The following NUP98 variants were observed in gnomAD, a reference collection of about 807,000 sequenced individuals.
NUP98 encodes the protein nuclear pore complex protein Nup98-Nup96.
Under a neutral mutation model 191.9 loss-of-function variants are expected in NUP98, and 26 were observed. The observed-to-expected ratio is 0.14, with a 90% CI of 0.10 to 0.19. The LOEUF (loss-of-function observed/expected upper bound fraction) is 0.19, where lower values mean the gene tolerates loss of function less well. NUP98 is among the 10% of genes least tolerant of loss of function. NUP98 has a pLI of 1.00. For missense variants in NUP98, 1,941 were observed against 2,178.8 expected (o/e 0.89, Z 2.17); for synonymous variants, 808 against 778.4 (o/e 1.04, Z -0.63).
intron 25 of NUP98, among the ~76,000 whole-genome samples, chr11:3,696,161 A>G (rs771830297): frequency 3.3e-5 from 5 of 152,202 alleles, no homozygotes; most frequent in Admixed American, 6.5e-5. Flanking sequence ...ATTGCACTCC[A>G]GCCTGGGCAA....
chr11:3,754,165 A>G (rs2080871692), intron 10 of NUP98, among the ~76,000 whole-genome samples: 1 of 152,202 alleles, frequency 6.6e-6, no homozygotes, highest in African/African-American at 2.4e-5. Flanking sequence ...GTGGTGGCTT[A>G]CGCCTGTAAT....
At chr11:3,731,200 G>C (rs1215679166) in intron 14 of NUP98, among the ~76,000 whole-genome samples, 191 bp downstream of exon 14, 1 of 152,098 alleles carries the variant, frequency 6.6e-6, no homozygotes, top group South Asian at 2.1e-4. Flanking sequence ...GGAGGCAAAG[G>C]TTGCAGTGAG....
Position 3,699,164 on chromosome 11 carries a change from T to C in NUP98, c.3927A>G (p.Gln1309=), listed in dbSNP as rs375155860. 1.4e-4 allele frequency: 228 copies of C among 1,613,906 alleles called. No homozygotes were observed. Among genetic ancestry groups the C allele is most frequent in the Non-Finnish European group, 1.8e-4 (212 of 1,180,036 alleles). ...ATACAGCCTCCACAGGGCTGTTTTT[T>C]TGGGTTAAGGAGACTTCCTCTTCAA... ...PQIEEEVSLT[Q]KNSPVEAVFS... The change falls in exon 25 of 33, where the codon CAA becomes CAG. Residue 1309 remains glutamine, a synonymous_variant. Coordinates refer to ENST00000324932, the MANE Select transcript of NUP98 (RefSeq NM_016320.5).
intron 13 of NUP98, 58 bp downstream of exon 13, chr11:3,735,133 G>A: frequency 6.9e-7 from 1 of 1,459,564 alleles, no homozygotes; most frequent in South Asian, 1.4e-5. Flanking sequence ...ATTACATTCT[G>A]CACATTCAGT....
chr11:3,709,170 T>C (rs2078956654), intron 20 of NUP98, among the ~76,000 whole-genome samples: 1 of 152,234 alleles, frequency 6.6e-6, no homozygotes, highest in Non-Finnish European at 1.5e-5. Context: ...TAATTCATAC[T>C]GTCCTCTCAG....
intron 26 of NUP98, among the ~76,000 whole-genome samples, chr11:3,693,729 T>C (rs1483980940): frequency 6.6e-6 from 1 of 152,144 alleles, no homozygotes; most frequent in Non-Finnish European, 1.5e-5. Context: ...TCAAATGAGA[T>C]GAGAGCCATT....
chr11:3,793,997 G>C (rs1378364378), intron 1 of NUP98, among the ~76,000 whole-genome samples: 1 of 150,530 alleles, frequency 6.6e-6, no homozygotes, highest in South Asian at 2.1e-4. Context: ...ATAAATACAT[G>C]TGAAATATTT....
rs2077809279 is a variant in NUP98 at position 3,676,317 on chromosome 11, C to T, written c.5245G>A (p.Asp1749Asn). Residue 1749 changes from aspartate to asparagine, a missense_variant, in exon 33 of 33, where the codon GAT (aspartate) becomes AAT (asparagine). Physicochemically the swap from Asp to Asn is conservative, Grantham distance 23 (BLOSUM62 1). Coordinates refer to ENST00000324932, the MANE Select transcript of NUP98 (RefSeq NM_016320.5). ...TCTGGTGTTGAGTCGGAGGTTCTAT[C>T]AGGAGGATGATGCAGACTCAGCACC... is the stretch of plus-strand genomic sequence containing the variant. The part of the protein sequence containing the change: ...RVVLSLHHPP[D>N]RTSDSTPDPQ... The T allele has an allele frequency of 1.2e-6, 2 of 1,613,914 alleles. No homozygotes were observed. The highest frequency in any genetic ancestry group is 3.3e-5 in the Admixed American group (2 of 59,994).
At chr11:3,727,825 A>T (rs2079680390) in intron 14 of NUP98, among the ~76,000 whole-genome samples, 1 of 151,992 alleles carries the variant, frequency 6.6e-6, no homozygotes, top group Non-Finnish European at 1.5e-5. Context: ...GGAGTTTGAG[A>T]CCAGCCTGGG....
Position 3,676,121 on chromosome 11 carries a change from T to G in NUP98, c.*38A>C, listed in dbSNP as rs955800324. 8 of 1,587,916 alleles carry G rather than the reference T, an allele frequency of 5.0e-6. No homozygotes were observed. The highest frequency in any genetic ancestry group is 1.7e-5 in the Admixed American group (1 of 58,346). On this transcript the variant is annotated 3_prime_UTR_variant, in exon 33 of 33. Transcript: ENST00000324932. ...CAAGGCAGGGAACCTCTGTGTGGTG[T>G]GAATGGGCATGTGACTGTGATGCAA...
intron 17 of NUP98, 21 bp downstream of exon 17, chr11:3,720,691 A>C (rs1220343980): frequency 3.2e-6 from 4 of 1,267,618 alleles, no homozygotes; most frequent in Non-Finnish European, 4.6e-6. Flanking sequence ...CTTAATCACT[A>C]AGTGCTAAAC....
rs757382848 is a variant in NUP98, at chr11:3,679,582, A to G, written c.5045T>C (p.Val1682Ala). 57 of 1,613,988 alleles carry G rather than the reference A, an allele frequency of 3.5e-5. No individual in the cohort carries two copies. The highest frequency in any genetic ancestry group is 4.3e-5 in the Non-Finnish European group (51 of 1,180,016). The part of the protein sequence containing the change: ...SGLVYLDYIR[V>A]IEMLRHIQQV... The stretch of plus-strand genomic sequence containing the variant: ...CTGTATATGGCGGAGCATTTCAATG[A>G]CTCTAATATAGTCCAGGTAAACAAG... Residue 1682 changes from valine to alanine, a missense_variant, in exon 31 of 33, where the codon GTC becomes GCC. Coordinates refer to ENST00000324932, the MANE Select transcript of NUP98 (RefSeq NM_016320.5).
chr11:3,764,876 C>T (rs61877630), intron 8 of NUP98, among the ~76,000 whole-genome samples: 7,708 of 152,250 alleles, frequency 0.051, 252 homozygotes, highest in Middle Eastern at 0.099. Flanking sequence ...CCGCGCCCAG[C>T]CTGTTAGTCT....
At chr11:3,764,112 A>G (rs1350455062) in intron 8 of NUP98, among the ~76,000 whole-genome samples, 1 of 152,136 alleles carries the variant, frequency 6.6e-6, no homozygotes, top group Non-Finnish European at 1.5e-5. Context: ...CAGACCCATC[A>G]GTGATTACTC....
intron 7 of NUP98, 140 bp downstream of exon 7, chr11:3,771,608 T>G (rs2081534728): frequency 1.9e-5 from 13 of 686,404 alleles, no homozygotes; most frequent in Admixed American, 2.7e-5. Context: ...CCCACATACA[T>G]CCAGGCATTC....
chr11:3,766,306 G>A (rs1383016511), intron 8 of NUP98, among the ~76,000 whole-genome samples: 3 of 152,076 alleles, frequency 2.0e-5, no homozygotes, highest in Non-Finnish European at 4.4e-5. Context: ...CCAGGAGGCG[G>A]AGGACGCAGT....
intron 27 of NUP98, among the ~76,000 whole-genome samples, chr11:3,692,407 C>T (rs1263164795): frequency 6.6e-6 from 1 of 151,562 alleles, no homozygotes; most frequent in Admixed American, 6.6e-5. Flanking sequence ...GCAGGCAGAT[C>T]ATGAGGTCAG....
chr11:3,755,977 C>T (rs142318928), intron 10 of NUP98, among the ~76,000 whole-genome samples: 220 of 152,186 alleles, frequency 1.4e-3, no homozygotes, highest in Non-Finnish European at 2.5e-3. Flanking sequence ...AAAATAAATA[C>T]ATGAAATAAA....
chr11:3,687,419 A>C (rs890916211), intron 28 of NUP98, among the ~76,000 whole-genome samples: 4 of 152,130 alleles, frequency 2.6e-5, no homozygotes, highest in African/African-American at 9.7e-5. Context: ...TTTTTCTCTT[A>C]TGAATTGTGT....
Sources: gnomAD v4.1 joint callset for allele counts (sites outside exome capture counted in the v4.1 genomes callset) on GRCh38, gnomAD v4.1.1 for gene constraint, MANE v1.5 for transcripts, NCBI Gene and HGNC (gene_info 2026-07-23, HGNC 2026-07-21) for gene names.